IPPK: variants seen among roughly 807,000 people sequenced by gnomAD.
IPPK encodes the protein inositol-pentakisphosphate 2-kinase.
In IPPK, 22 loss-of-function variants were observed where a neutral mutation model predicts 64.6. The observed-to-expected ratio is 0.34, with a 90% CI of 0.24 to 0.49. The LOEUF is 0.49. Ranked by LOEUF, IPPK falls within the 20% of genes least tolerant of loss-of-function variation. The pLI, the probability that IPPK is intolerant of heterozygous loss-of-function variation, is 0.99. For missense variants in IPPK, 532 were observed against 630.7 expected, an observed-to-expected ratio of 0.84 and a Z score of 1.68; for synonymous variants, 262 against 247.2, an observed-to-expected ratio of 1.06 and a Z score of -0.56.
intron 7 of IPPK, among the ~76,000 whole-genome samples, chr9:92,642,286 G>A (rs558040643): frequency 5.9e-5 from 9 of 152,410 alleles, no homozygotes; most frequent in Admixed American, 3.9e-4. Context: ...GCCGGGGAGC[G>A]TGGAGGCAGG....
Position 92,649,696 on chromosome 9 carries a change from C to T in IPPK, c.293-122G>A, listed in dbSNP as rs977932947. The T allele has an allele frequency of 8.6e-6, 10 of 1,161,176 alleles. No homozygotes were observed. In the African/African-American group the frequency reaches 1.2e-4, roughly 14 times the overall value. The allele number at this position is 1,161,176 out of a possible 1,614,324, so 71.9% of individuals were successfully genotyped here. ...GGGCATCTCTGTACCTGATGAAAACCTCATGTCTCCCTGGGGATTGTGGGA... is the reference window on the plus strand; with the variant it reads ...GGGCATCTCTGTACCTGATGAAAACTTCATGTCTCCCTGGGGATTGTGGGA... On this transcript the variant is annotated intron_variant, in intron 4 of 12. Coordinates refer to ENST00000287996, the MANE Select transcript of IPPK (RefSeq NM_022755.6).
At chr9:92,664,577 T>C (rs1008332118) in intron 1 of IPPK, among the ~76,000 whole-genome samples, 9 of 152,116 alleles carry the variant, frequency 5.9e-5, no homozygotes, top group Non-Finnish European at 1.0e-4. Context: ...TGGGGAGGCC[T>C]GTGGGGATAG....
At position 92,619,554 on chromosome 9, in the gene IPPK, G is replaced by A; in HGVS notation, c.1182C>T (p.Tyr394=). Residue 394 remains tyrosine (Y), a synonymous_variant, in exon 12 of 13, where the codon TAC becomes TAT. Transcript: ENST00000287996. ...AGTCCTTGGCAGTCATGGCGACGCG[G>A]TACTGCTGCACCTGCAGGGGCGGGA... ...VAFALTKVQQ[Y]RVAMTAKDCS... is the part of the protein sequence containing the mutation. 1 of 1,584,598 alleles carries A rather than the reference G, an allele frequency of 6.3e-7. No individual in the cohort carries two copies. Among genetic ancestry groups the A allele is most frequent in the Non-Finnish European group, 8.6e-7 (1 of 1,165,438 alleles).
At chr9:92,634,234 G>T in intron 11 of IPPK, 152 bp downstream of exon 11, 1 of 615,274 alleles carries the variant, frequency 1.6e-6, no homozygotes. Context: ...CAGTTCATCT[G>T]GGAGAAACTT....
chr9:92,669,801 C>G (rs1564046610), intron 1 of IPPK, 107 bp downstream of exon 1: 1 of 760,432 alleles, frequency 1.3e-6, no homozygotes, highest in East Asian at 3.0e-5. Flanking sequence ...GAGGAAGGTA[C>G]TGGGGGGACG....
chr9:92,658,451 T>G (rs983027262), intron 2 of IPPK, among the ~76,000 whole-genome samples, 183 bp downstream of exon 2: 7 of 152,116 alleles, frequency 4.6e-5, no homozygotes, highest in Non-Finnish European at 1.0e-4. Context: ...CAGTGACACA[T>G]GGGTTAACGT....
At chr9:92,655,957 T>C (rs1023293379) in intron 3 of IPPK, among the ~76,000 whole-genome samples, 1 of 152,128 alleles carries the variant, frequency 6.6e-6, no homozygotes, top group Non-Finnish European at 1.5e-5. Flanking sequence ...CTTAGTCCCA[T>C]TCCCACAGAC....
chr9:92,630,005 A>C (rs1851807430), intron 11 of IPPK, among the ~76,000 whole-genome samples: 1 of 152,186 alleles, frequency 6.6e-6, no homozygotes, highest in Non-Finnish European at 1.5e-5. Context: ...TTAAACATAA[A>C]AGTGCCACTG....
intron 12 of IPPK, 179 bp downstream of exon 12, chr9:92,619,307 A>G: frequency 1.7e-6 from 1 of 578,442 alleles, no homozygotes; most frequent in South Asian, 2.2e-5. Context: ...TGACTGAATT[A>G]CAAGCTTCTA....
intron 1 of IPPK, among the ~76,000 whole-genome samples, chr9:92,659,165 T>C (rs1852431410): frequency 6.6e-6 from 1 of 152,210 alleles, no homozygotes; most frequent in African/African-American, 2.4e-5. Flanking sequence ...CACACACGTA[T>C]GGGTGTAATT....
chr9:92,664,240 C>T (rs1056346916), intron 1 of IPPK, among the ~76,000 whole-genome samples: 2 of 152,234 alleles, frequency 1.3e-5, no homozygotes, highest in African/African-American at 2.4e-5. Flanking sequence ...CAACAGGAAG[C>T]GCTCCCAAGG....
chr9:92,660,198 C>A (rs953490494), intron 1 of IPPK, among the ~76,000 whole-genome samples: 1 of 152,138 alleles, frequency 6.6e-6, no homozygotes, highest in Non-Finnish European at 1.5e-5. Context: ...TGTGCCTGAC[C>A]CGCCCTCCAA....
chr9:92,628,792 G>A (rs1433999484), intron 11 of IPPK, among the ~76,000 whole-genome samples: 1 of 152,044 alleles, frequency 6.6e-6, no homozygotes, highest in East Asian at 1.9e-4. Flanking sequence ...GAGGAGAATC[G>A]CTTGAACCCA....
intron 1 of IPPK, among the ~76,000 whole-genome samples, chr9:92,662,909 G>A (rs537381123): frequency 2.6e-5 from 4 of 152,322 alleles, no homozygotes; most frequent in East Asian, 3.9e-4. Flanking sequence ...GATCTGCAAC[G>A]TGTGCCAAGG....
chr9:92,636,473 C>CA (rs369390679), intron 9 of IPPK, among the ~76,000 whole-genome samples: 9,695 of 147,312 alleles, frequency 0.066, 360 homozygotes, highest in South Asian at 0.12. Flanking sequence ...CCCATCTCTA[C>CA]AAAAAAAAAA....
In IPPK at chr9:92,652,651, T is replaced by C. The variant is rs1351140531; in HGVS notation, c.226-12A>G. 3 of 1,508,188 alleles carry C rather than the reference T, an allele frequency of 2.0e-6. No individual in the cohort carries two copies. The highest frequency in any genetic ancestry group is 2.3e-5 in the East Asian group (1 of 43,776). 93.4% of individuals were successfully genotyped at this position (1,508,188 alleles called of 1,614,324 possible). On this transcript the variant is annotated splice_polypyrimidine_tract_variant and intron_variant, in intron 3 of 12. Coordinates refer to ENST00000287996, the MANE Select transcript of IPPK (RefSeq NM_022755.6). ...AGCTGAACGACCTCCTGTAAGAAAA[T>C]ACATGAAATTCTCAGTGTGAATTGC... is the stretch of plus-strand genomic sequence containing the variant.
chr9:92,622,808 A>C (rs1851667294), intron 11 of IPPK, among the ~76,000 whole-genome samples: 1 of 152,150 alleles, frequency 6.6e-6, no homozygotes, highest in Non-Finnish European at 1.5e-5. Flanking sequence ...GTAGATATGC[A>C]AAAGGTCGAG....
rs199914844 is a variant in IPPK at position 92,615,879 on chromosome 9, G to A, written c.1429C>T (p.Arg477Trp). Residue 477 changes from arginine (R) to tryptophan (W), a missense_variant, in exon 13 of 13, where the codon CGG becomes TGG. Physicochemically the swap from Arg to Trp is moderately radical, Grantham distance 101. Coordinates refer to ENST00000287996, the MANE Select transcript of IPPK (RefSeq NM_022755.6). ...GTGCAATCTTCGCTTTCCTTGAACC[G>A]AGTCGACATCACGGCGTTGTCTTTG... ...RAKDNAVMST[R>W]FKESEDCTLV... is the part of the protein sequence containing the mutation. 1.4e-5 allele frequency: 22 copies of A among 1,614,172 alleles called. No individual in the cohort carries two copies. Among genetic ancestry groups the A allele is most frequent in the Middle Eastern group, 1.6e-4 (1 of 6,062 alleles).
intron 1 of IPPK, among the ~76,000 whole-genome samples, chr9:92,665,106 G>A: frequency 6.6e-6 from 1 of 151,680 alleles, no homozygotes; most frequent in Non-Finnish European, 1.5e-5. Flanking sequence ...GAGACAAGAA[G>A]GAACATCACC....
Sources: gnomAD v4.1 joint callset for allele counts (sites outside exome capture counted in the v4.1 genomes callset) on GRCh38, gnomAD v4.1.1 for gene constraint, MANE v1.5 for transcripts, NCBI Gene and HGNC (gene_info 2026-07-23, HGNC 2026-07-21) for gene names.